The following TBCE variants were observed in gnomAD, a reference collection of about 807,000 sequenced individuals.
TBCE encodes tubulin folding cofactor E, also known as tubulin-specific chaperone E.
In TBCE, 53 loss-of-function variants were observed where a neutral mutation model predicts 77.0. That is an observed-to-expected ratio of 0.69 (90% CI 0.55 to 0.87). TBCE has a LOEUF of 0.87. TBCE is among the 40% of genes least tolerant of loss of function. The pLI is 0.00. For synonymous variants in TBCE, 235 were observed against 241.3 expected, an observed-to-expected ratio of 0.97 and a Z score of 0.24; for missense variants, 624 against 622.4, an observed-to-expected ratio of 1.00 and a Z score of -0.03.
At position 235,403,786 on chromosome 1, in the gene TBCE, G is replaced by C. The variant is rs963262871; in HGVS notation, c.185+2199G>C. ...GATGTGTTCTGAGAAATGCCTGTTA[G>C]GTGGTTTCATCATTGTGTGAACATC... On this transcript the variant is annotated intron_variant, in intron 3 of 16. Coordinates refer to ENST00000642610, the MANE Select transcript of TBCE (RefSeq NM_003193.5). 5.9e-5 allele frequency among the ~76,000 whole-genome samples: 9 copies of C among 152,260 alleles called. No homozygotes were observed. The South Asian group carries it at 1.9e-3, about 32-fold the overall frequency.
chr1:235,439,235 T>A (rs551910799), intron 13 of TBCE, among the ~76,000 whole-genome samples: 1 of 151,592 alleles, frequency 6.6e-6, no homozygotes, highest in African/African-American at 2.4e-5. Flanking sequence ...CTCAGGCCTG[T>A]AATCCCAGCA....
chr1:235,434,914 A>G (rs1258505970), intron 8 of TBCE, among the ~76,000 whole-genome samples: 5 of 152,158 alleles, frequency 3.3e-5, no homozygotes, highest in African/African-American at 1.2e-4. Context: ...ACCAAAGTAC[A>G]TGTAAAACTT....
intron 15 of TBCE, among the ~76,000 whole-genome samples, chr1:235,444,277 C>T (rs1682095028): frequency 6.6e-6 from 1 of 152,178 alleles, no homozygotes; most frequent in African/African-American, 2.4e-5. Flanking sequence ...TGTAATTTGG[C>T]TACTGCTATA....
At chr1:235,427,082 T>C (rs554563262) in intron 5 of TBCE, 58 bp from the exon 6 acceptor site, 1 of 1,208,712 alleles carries the variant, frequency 8.3e-7, no homozygotes, top group East Asian at 2.3e-5. Flanking sequence ...TAAGAGTAAC[T>C]CCTTTTATGT....
chr1:235,433,878 C>T, intron 7 of TBCE: 1 of 303,434 alleles, frequency 3.3e-6, no homozygotes, highest in Non-Finnish European at 6.2e-6. Flanking sequence ...TTTGGTTAAG[C>T]AAATTCTATC....
At chr1:235,383,613 T>C (rs1677818180) in intron 2 of TBCE, among the ~76,000 whole-genome samples, 1 of 152,088 alleles carries the variant, frequency 6.6e-6, no homozygotes, top group African/African-American at 2.4e-5. Context: ...TTTGGCTCTC[T>C]GTTTGTCTGT....
chr1:235,402,378 T>C (rs1462397910), intron 3 of TBCE, among the ~76,000 whole-genome samples: 1 of 151,996 alleles, frequency 6.6e-6, no homozygotes, highest in African/African-American at 2.4e-5. Context: ...ATTGCATTTC[T>C]ATTATTATTT....
intron 1 of TBCE, among the ~76,000 whole-genome samples, chr1:235,379,818 G>T (rs150564864): frequency 6.2e-4 from 94 of 151,800 alleles, no homozygotes; most frequent in African/African-American, 2.0e-3. Flanking sequence ...GTGTGGTGAA[G>T]CACATCTGTG....
At position 235,447,921 on chromosome 1, in the gene TBCE, G is replaced by T. The variant is rs1183868947; in HGVS notation, c.1400-428G>T. Among the ~76,000 whole-genome samples the T allele has an allele frequency of 2.0e-5, 3 of 152,098 alleles. No individual in the cohort carries two copies. In the East Asian group the frequency reaches 5.8e-4, roughly 29 times the overall value. Reference sequence around the variant, plus strand: ...TTGGGTAAAGTGACTTGGGTAAAATGAAAGATACAGCCAGGCGCTGGGCTC... The same window carrying T: ...TTGGGTAAAGTGACTTGGGTAAAATTAAAGATACAGCCAGGCGCTGGGCTC... On this transcript the variant is annotated intron_variant, in intron 15 of 16. Coordinates refer to ENST00000642610, the MANE Select transcript of TBCE (RefSeq NM_003193.5).
intron 2 of TBCE, among the ~76,000 whole-genome samples, chr1:235,395,472 C>G (rs1285586463): frequency 6.6e-6 from 1 of 151,958 alleles, no homozygotes; most frequent in East Asian, 1.9e-4. Context: ...TATTTTTGTG[C>G]CCATTAACCA....
At chr1:235,448,322 G>A (rs111876307) in intron 15 of TBCE, 27 bp from the exon 16 acceptor site, 313 of 1,601,074 alleles carry the variant, frequency 2.0e-4, no homozygotes, top group Admixed American at 2.0e-3. Context: ...TTGAGAGAAC[G>A]AATGGACTTT....
At chr1:235,401,395 G>T (rs1195522196) in intron 2 of TBCE, 108 bp from the exon 3 acceptor site, 5 of 876,840 alleles carry the variant, frequency 5.7e-6, no homozygotes, top group Non-Finnish European at 9.5e-6. Flanking sequence ...TCCCCAAGTG[G>T]TATCTGTGTG....
intron 1 of TBCE, among the ~76,000 whole-genome samples, chr1:235,372,881 A>G (rs11584487): frequency 0.14 from 20,922 of 147,262 alleles, 1,844 homozygotes; most frequent in African/African-American, 0.25. Context: ...CTGAGATTGC[A>G]CCACTGCACT....
intron 2 of TBCE, among the ~76,000 whole-genome samples, chr1:235,386,690 A>T (rs1678029371): frequency 6.6e-6 from 1 of 152,078 alleles, no homozygotes; most frequent in Non-Finnish European, 1.5e-5. Flanking sequence ...TATTCTAGTT[A>T]TACATTCGTC....
chr1:235,410,162 G>T (rs1475344820), intron 3 of TBCE, among the ~76,000 whole-genome samples: 1 of 143,542 alleles, frequency 7.0e-6, no homozygotes, highest in South Asian at 2.1e-4. Flanking sequence ...CAGGAGAATT[G>T]CTTCAACCAG....
At position 235,437,383 on chromosome 1, in the gene TBCE, AC is replaced by A. The variant is rs1558389777; in HGVS notation, c.1030del (p.Leu344Ter). ...PSLRALSCLRNPLTKEDKEAE... is the reference protein window; with the variant it reads ...PSLRALSCLRXPLTKEDKEAE... ...CTACGGGCTTTGTCCTGCCTAAGAA[AC>A]CCCCTGACCAAAGAGGACAAAGAAG... On this transcript the variant is annotated frameshift_variant, in exon 12 of 17. Coordinates refer to ENST00000642610, the MANE Select transcript of TBCE (RefSeq NM_003193.5). LOFTEE classifies it high-confidence loss of function. 1 of 1,613,732 alleles carries A rather than the reference AC, an allele frequency of 6.2e-7. No individual in the cohort carries two copies. The highest frequency in any genetic ancestry group is 8.5e-7 in the Non-Finnish European group (1 of 1,179,952).
chr1:235,402,587 G>A lies in TBCE; in HGVS notation c.185+1000G>A, dbSNP rs534472611. On this transcript the variant is annotated intron_variant, in intron 3 of 16. Coordinates refer to ENST00000642610, the MANE Select transcript of TBCE (RefSeq NM_003193.5). ...ACACAATACTGCCCTGGAAATCAGG[G>A]GGCCTCTAGCCTGTTTTTAACAGTC... 4.0e-3 allele frequency among the ~76,000 whole-genome samples: 602 copies of A among 152,140 alleles called. 4 individuals carry two copies. Among genetic ancestry groups the A allele is most frequent in the African/African-American group, 0.014 (574 of 41,498 alleles).
chr1:235,444,478 G>T (rs1204982096), intron 15 of TBCE, among the ~76,000 whole-genome samples: 1 of 152,060 alleles, frequency 6.6e-6, no homozygotes, highest in East Asian at 1.9e-4. Context: ...CTCACTGCAG[G>T]CTCCATCACC....
Position 235,438,869 on chromosome 1 carries a change from G to T in TBCE, c.1217G>T (p.Arg406Ile). ...GGACATAAGGATCCGGAAAAAAACA[G>T]ACTCAGCGAAGAATTCCTCACAGCC... is the stretch of plus-strand genomic sequence containing the variant. Reference protein sequence around the residue: ...AGGHKDPEKNRLSEEFLTAHP... With the variant: ...AGGHKDPEKNILSEEFLTAHP... The change falls in exon 13 of 17, where the codon AGA becomes ATA. Residue 406 changes from arginine to isoleucine, a missense_variant. Coordinates refer to ENST00000642610, the MANE Select transcript of TBCE (RefSeq NM_003193.5). The T allele has an allele frequency of 1.9e-6, 3 of 1,614,142 alleles. No homozygotes were observed. Among genetic ancestry groups the T allele is most frequent in the Non-Finnish European group, 1.7e-6 (2 of 1,180,024 alleles).
Sources: allele counts gnomAD v4.1 joint callset (sites outside exome capture counted in the v4.1 genomes callset), GRCh38; gene constraint gnomAD v4.1.1; transcripts MANE v1.5; gene names NCBI Gene and HGNC (gene_info 2026-07-23, HGNC 2026-07-21).